Variants in ADGRL3 observed in about 807,000 individuals in gnomAD.
The protein encoded by ADGRL3 is adhesion G protein-coupled receptor L3.
ADGRL3 carries 62 observed loss-of-function variants against 153.5 expected under a neutral mutation model. The observed-to-expected ratio is 0.40, with a 90% confidence interval of 0.33 to 0.50. The LOEUF (loss-of-function observed/expected upper bound fraction) is 0.50. ADGRL3 is among the 20% of genes least tolerant of loss of function. The pLI is 0.47. For missense variants in ADGRL3, 1,641 were observed against 1,859.4 expected (o/e 0.88, Z 2.16); for synonymous variants, 710 against 672.5 (o/e 1.06, Z -0.86).
chr4:61,746,186 G>A (rs1041625074), intron 8 of ADGRL3, among the ~76,000 whole-genome samples: 1 of 152,060 alleles, frequency 6.6e-6, no homozygotes, highest in Non-Finnish European at 1.5e-5. Flanking sequence ...ACCCAACACA[G>A]GAGCACCCAG....
intron 6 of ADGRL3, among the ~76,000 whole-genome samples, chr4:61,717,194 TTA>T (rs1232225142): frequency 0.016 from 1,840 of 114,624 alleles, 47 homozygotes; most frequent in African/African-American, 0.057. Flanking sequence ...GCCACATAGT[TTA>T]TGTGTGTGTG....
chr4:61,259,031 A>C (rs1018326955), intron 1 of ADGRL3, among the ~76,000 whole-genome samples: 3 of 152,196 alleles, frequency 2.0e-5, no homozygotes, highest in African/African-American at 7.2e-5. Context: ...CTCCAGGCAC[A>C]CTTCCTCATC....
Position 61,624,981 on chromosome 4 carries a change from ATT to A in ADGRL3, c.473+37547_473+37548del, listed in dbSNP as rs535277453. On this transcript the variant is annotated intron_variant, in intron 5 of 26. Transcript: ENST00000683033. ...CTCATTCTCAGTTACTTTAGGGACA[ATT>A]TTTTTGCCTTGTATTAAAAAATGCA... 1.1e-3 allele frequency among the ~76,000 whole-genome samples: 168 copies of A among 152,160 alleles called. 2 individuals are homozygous for A. The highest frequency in any genetic ancestry group is 0.01 in the Middle Eastern group (3 of 294).
intron 4 of ADGRL3, among the ~76,000 whole-genome samples, chr4:61,542,729 A>G (rs1209041343): frequency 6.6e-6 from 1 of 152,154 alleles, no homozygotes; most frequent in Non-Finnish European, 1.5e-5. Context: ...TATTTCTGCT[A>G]GAAAGAGATT....
chr4:61,300,882 A>G (rs113884283), intron 1 of ADGRL3, among the ~76,000 whole-genome samples: 18,796 of 150,982 alleles, frequency 0.12, 1,396 homozygotes, highest in South Asian at 0.27. Flanking sequence ...TGTCTGCCAC[A>G]GCCTCCCGAG....
intron 21 of ADGRL3, among the ~76,000 whole-genome samples, chr4:62,003,899 C>G (rs889143599): frequency 6.6e-6 from 1 of 152,058 alleles, no homozygotes; most frequent in Non-Finnish European, 1.5e-5. Flanking sequence ...ATAGTATCCT[C>G]AGTGAGCTTG....
chr4:61,587,090 T>C lies in ADGRL3; in HGVS notation c.260-137T>C, dbSNP rs570399960. The stretch of plus-strand genomic sequence containing the variant: ...GTTACTGAAGAGAAAAATATTCTAG[T>C]TTAATTAAAATTATGAATCTTAACT... On this transcript the variant is annotated intron_variant, in intron 4 of 26. Transcript: ENST00000683033. 2.7e-5 allele frequency: 13 copies of C among 486,146 alleles called. No individual in the cohort carries two copies. The South Asian group carries it at 5.6e-4, about 21-fold the overall frequency. 30.1% of individuals were successfully genotyped at this position (486,146 alleles called of 1,614,324 possible).
chr4:61,701,725 C>T (rs1255335836), intron 6 of ADGRL3, among the ~76,000 whole-genome samples: 5 of 151,994 alleles, frequency 3.3e-5, no homozygotes, highest in African/African-American at 1.2e-4. Context: ...ACATGAGCCG[C>T]TGCGCAGAAC....
chr4:62,007,640 G>C (rs771555201), intron 21 of ADGRL3, among the ~76,000 whole-genome samples: 11 of 150,900 alleles, frequency 7.3e-5, no homozygotes, highest in Non-Finnish European at 1.5e-4. Flanking sequence ...TTCTCTTCCT[G>C]CCTCCAGCTA....
At chr4:61,546,623 T>C (rs756826299) in intron 4 of ADGRL3, among the ~76,000 whole-genome samples, 2 of 152,162 alleles carry the variant, frequency 1.3e-5, no homozygotes, top group Non-Finnish European at 2.9e-5. Context: ...AAGTCACGTT[T>C]ATAGCCAGAA....
At chr4:61,407,964 C>T (rs566961998) in intron 2 of ADGRL3, among the ~76,000 whole-genome samples, 3 of 152,130 alleles carry the variant, frequency 2.0e-5, no homozygotes, top group Admixed American at 6.6e-5. Flanking sequence ...AGGAATGCAT[C>T]TGGAAAAACA....
intron 9 of ADGRL3, among the ~76,000 whole-genome samples, chr4:61,837,630 T>A (rs2148949626): frequency 6.6e-6 from 1 of 152,206 alleles, no homozygotes; most frequent in African/African-American, 2.4e-5. Flanking sequence ...GAAATGGGAA[T>A]TTATGGCAGC....
At chr4:61,694,140 C>G (rs929843910) in intron 6 of ADGRL3, among the ~76,000 whole-genome samples, 44 of 140,524 alleles carry the variant, frequency 3.1e-4, no homozygotes, top group Non-Finnish European at 5.6e-4. Flanking sequence ...TTATATCATG[C>G]TATTTTTCTG....
At chr4:61,884,466 T>A (rs920612146) in intron 9 of ADGRL3, among the ~76,000 whole-genome samples, 2 of 152,190 alleles carry the variant, frequency 1.3e-5, no homozygotes, top group Admixed American at 6.5e-5. Context: ...TGCTGAACTC[T>A]ATAGCAAGCT....
intron 1 of ADGRL3, among the ~76,000 whole-genome samples, chr4:61,228,427 A>G (rs1748959517): frequency 6.6e-6 from 1 of 152,288 alleles, no homozygotes; most frequent in East Asian, 1.9e-4. Context: ...GTCAAGTTCC[A>G]TATTCTAATT....
In ADGRL3 at chr4:61,456,453, CTATATATATAGA is replaced by C. The variant is rs1560665105; in HGVS notation, c.-173-40662_-173-40651del. 2.2e-4 allele frequency among the ~76,000 whole-genome samples: 22 copies of C among 97,810 alleles called. 1 individual carries two copies. The highest frequency in any genetic ancestry group is 7.4e-4 in the African/African-American group (18 of 24,260). The allele number at this position is 97,810 out of a possible 152,430, so 64.2% of individuals were successfully genotyped here. On this transcript the variant is annotated intron_variant, in intron 2 of 26. Transcript: ENST00000683033. ...TCTATATATATAGATATATCTATATCTATATATATAGATATATCTATATCTATATATATAGAT... is the reference window on the plus strand; with the variant it reads ...TCTATATATATAGATATATCTATATCTATATCTATATCTATATATATAGAT...
At chr4:61,815,714 C>T (rs6814909) in intron 9 of ADGRL3, among the ~76,000 whole-genome samples, 8,233 of 152,264 alleles carry the variant, frequency 0.054, 367 homozygotes, top group African/African-American at 0.12. Context: ...GAGATGATTA[C>T]GGCATAAGGC....
intron 2 of ADGRL3, among the ~76,000 whole-genome samples, chr4:61,418,722 G>T (rs2097171228): frequency 6.6e-6 from 1 of 150,648 alleles, no homozygotes; most frequent in Non-Finnish European, 1.5e-5. Flanking sequence ...TAAATAAAAT[G>T]ATCTATTCAT....
At chr4:61,743,666 G>A (rs376254986) in intron 8 of ADGRL3, among the ~76,000 whole-genome samples, 2 of 152,156 alleles carry the variant, frequency 1.3e-5, no homozygotes, top group East Asian at 1.9e-4. Flanking sequence ...CCCACTGAGG[G>A]CCATGGGTAG....
Sources: gnomAD v4.1 joint callset for allele counts (sites outside exome capture counted in the v4.1 genomes callset) on GRCh38, gnomAD v4.1.1 for gene constraint, MANE v1.5 for transcripts, NCBI Gene and HGNC (gene_info 2026-07-23, HGNC 2026-07-21) for gene names.